The following SMARCD2 variants were observed in gnomAD, a reference collection of about 807,000 sequenced individuals.
SMARCD2 encodes the protein SWI/SNF-related matrix-associated actin-dependent regulator of chromatin subfamily D member 2.
SMARCD2 carries 39 observed loss-of-function variants against 70.4 expected under a neutral mutation model. The ratio of observed to expected loss-of-function variants is 0.55; its 90% CI spans 0.43 to 0.72. SMARCD2 has a LOEUF of 0.72. SMARCD2 is among the 30% of genes least tolerant of loss of function. SMARCD2 has a pLI of 0.00. For synonymous variants in SMARCD2, 249 were observed against 279.4 expected, an observed-to-expected ratio of 0.89 and a Z score of 1.08; for missense variants, 540 against 713.4, an observed-to-expected ratio of 0.76 and a Z score of 2.77.
Position 63,834,620 on chromosome 17 carries a change from G to T in SMARCD2, c.820-45C>A. On this transcript the variant is annotated intron_variant, in intron 6 of 12. Transcript: ENST00000448276. The surrounding 1 kb of genome is among the most constrained non-coding windows in gnomAD (Gnocchi z 5.6). ...GGCTTATCACCAAGGGGGTGGGCGT[G>T]AACACAGGGCCTCCCAAGGGCCCTG... The T allele has an allele frequency of 6.4e-7, 1 of 1,571,860 alleles. No individual in the cohort carries two copies. The highest frequency in any genetic ancestry group is 8.7e-7 in the Non-Finnish European group (1 of 1,144,032).
At position 63,842,669 on chromosome 17, in the gene SMARCD2, C is replaced by G. The variant is rs1425487610; in HGVS notation, c.6G>C (p.Ser2=). 1.5e-6 allele frequency: 2 copies of G among 1,302,226 alleles called. No individual in the cohort carries two copies. Among genetic ancestry groups the G allele is most frequent in the East Asian group, 3.1e-5 (1 of 31,778 alleles). 80.7% of individuals were successfully genotyped at this position (1,302,226 alleles called of 1,614,324 possible). The change falls in exon 1 of 13, where the codon TCG becomes TCC. Residue 2 remains serine (S), a synonymous_variant. Transcript: ENST00000448276. M[S]GRGAGGFPLP... ...GCGGGAACCCGCCCGCGCCTCGGCC[C>G]GACATCGCTCCGTCCCGTCCCGCGG...
chr17:63,834,427 C>T lies in SMARCD2; in HGVS notation c.921+47G>A. The T allele has an allele frequency of 6.4e-7, 1 of 1,553,296 alleles. No homozygotes were observed. Among genetic ancestry groups the T allele is most frequent in the Non-Finnish European group, 8.8e-7 (1 of 1,137,676 alleles). On this transcript the variant is annotated intron_variant, in intron 7 of 12. Coordinates refer to ENST00000448276, the MANE Select transcript of SMARCD2 (RefSeq NM_001098426.2). The surrounding 1 kb of genome is among the most constrained non-coding windows in gnomAD (Gnocchi z 5.6). ...GGGTTTCTAGGAACCAGCTCCCCTC[C>T]TGAGGGGTCCCTGTGGGCCCAGAAA...
At chr17:63,840,722 A>G (rs2727280) in intron 1 of SMARCD2, among the ~76,000 whole-genome samples, 40,767 of 152,096 alleles carry the variant, frequency 0.27, 7,006 homozygotes, top group South Asian at 0.55. Flanking sequence ...AAAGAAGGCA[A>G]ATAGGATCCT....
Position 63,834,386 on chromosome 17 carries a change from A to G in SMARCD2, c.922-58T>C. On this transcript the variant is annotated intron_variant, in intron 7 of 12. Transcript: ENST00000448276. The surrounding 1 kb of genome is among the most constrained non-coding windows in gnomAD (Gnocchi z 5.6). ...TCTTATAGTAGAACAGTGGGAAAAT[A>G]GGGCAGGGACAGGAAGGGTTTCTAG... The G allele has an allele frequency of 1.3e-6, 2 of 1,583,740 alleles. No homozygotes were observed. The highest frequency in any genetic ancestry group is 1.7e-6 in the Non-Finnish European group (2 of 1,157,488).
At chr17:63,842,406 G>A (rs1402696364) in intron 1 of SMARCD2, 53 bp downstream of exon 1, 16 of 1,303,048 alleles carry the variant, frequency 1.2e-5, no homozygotes, top group East Asian at 3.5e-5. Context: ...CCGCCGGCCC[G>A]GGCGCCCTCG....
At chr17:63,836,650 A>G (rs2040269945) in intron 4 of SMARCD2, 3 of 342,152 alleles carry the variant, frequency 8.8e-6, no homozygotes, top group Non-Finnish European at 1.6e-5. Context: ...CAAGGTCTGC[A>G]TATCTATTTA....
In SMARCD2 at chr17:63,840,568, C is replaced by A. The variant is rs146690207; in HGVS notation, c.216+1891G>T. Among the ~76,000 whole-genome samples the A allele has an allele frequency of 5.3e-3, 809 of 152,192 alleles. 5 individuals are homozygous for A. Among genetic ancestry groups the A allele is most frequent in the African/African-American group, 0.018 (738 of 41,512 alleles). ...CACCCTCTGGAGGAAGGGAGGTCAT[C>A]ACTTCCCTTCTTTCAACTATTTGCT... On this transcript the variant is annotated intron_variant, in intron 1 of 12. Coordinates refer to ENST00000448276, the MANE Select transcript of SMARCD2 (RefSeq NM_001098426.2).
chr17:63,833,768 C>CTG lies in SMARCD2; in HGVS notation c.1182-48_1182-47dup. Reference sequence around the variant, plus strand: ...GGGAAGGCACATAGCTGACTTCATCCTGCCCACCTGGGCCAAATCTGGGGC... The same window carrying CTG: ...GGGAAGGCACATAGCTGACTTCATCCTGTGCCCACCTGGGCCAAATCTGGGGC... On this transcript the variant is annotated intron_variant, in intron 9 of 12. Transcript: ENST00000448276. The surrounding 1 kb of genome is among the most constrained non-coding windows in gnomAD (Gnocchi z 4.3). 1 of 1,611,794 alleles carries CTG rather than the reference C, an allele frequency of 6.2e-7. No individual in the cohort carries two copies.
Position 63,833,865 on chromosome 17 carries a change from A to G in SMARCD2, c.1181+44T>C. ...TGGCTTTAGTTCAAGCCAAGGGTGAATCTGCTCTTAGAAGAGCCTTCCTGT... is the reference window on the plus strand; with the variant it reads ...TGGCTTTAGTTCAAGCCAAGGGTGAGTCTGCTCTTAGAAGAGCCTTCCTGT... On this transcript the variant is annotated intron_variant, in intron 9 of 12. Transcript: ENST00000448276. This position sits in a 1 kb window ranked among gnomAD's most constrained non-coding sequence, Gnocchi z 4.3. The G allele has an allele frequency of 6.5e-7, 1 of 1,549,144 alleles. No homozygotes were observed. The highest frequency in any genetic ancestry group is 8.9e-7 in the Non-Finnish European group (1 of 1,121,868).
At position 63,833,459 on chromosome 17, in the gene SMARCD2, T is replaced by A. The variant is rs1279038048; in HGVS notation, c.1318-39A>T. Reference sequence around the variant, plus strand: ...CTGTGTCAGACTGTGCCCCCAAAGCTTACATGCAAGCAACTGAGCCAGAGT... The same window carrying A: ...CTGTGTCAGACTGTGCCCCCAAAGCATACATGCAAGCAACTGAGCCAGAGT... On this transcript the variant is annotated intron_variant, in intron 10 of 12. Coordinates refer to ENST00000448276, the MANE Select transcript of SMARCD2 (RefSeq NM_001098426.2). This position sits in a 1 kb window ranked among gnomAD's most constrained non-coding sequence, Gnocchi z 4.3. 14 of 1,611,594 alleles carry A rather than the reference T, an allele frequency of 8.7e-6. No individual in the cohort carries two copies. The highest frequency in any genetic ancestry group is 1.2e-5 in the Non-Finnish European group (14 of 1,178,342).
In SMARCD2 at chr17:63,833,293, T is replaced by C. The variant is rs1322006650; in HGVS notation, c.1440+5A>G. 3 of 1,613,950 alleles carry C rather than the reference T, an allele frequency of 1.9e-6. No individual in the cohort carries two copies. The South Asian group carries it at 3.3e-5, about 18-fold the overall frequency. ...TAGGAGTCCCCTCGGGAAAGAGGAC[T>C]ACACCTTGAGGTCTCGGCGCTGGGA... On this transcript the variant is annotated splice_donor_5th_base_variant and intron_variant, in intron 11 of 12. Transcript: ENST00000448276. The surrounding 1 kb of genome is among the most constrained non-coding windows in gnomAD (Gnocchi z 4.3).
Position 63,834,805 on chromosome 17 carries a change from G to A in SMARCD2, c.724-5C>T, listed in dbSNP as rs761959202. The A allele has an allele frequency of 1.3e-6, 2 of 1,593,850 alleles. No homozygotes were observed. Among genetic ancestry groups the A allele is most frequent in the South Asian group, 2.2e-5 (2 of 90,706 alleles). On this transcript the variant is annotated splice_polypyrimidine_tract_variant and splice_region_variant and intron_variant, in intron 5 of 12. Transcript: ENST00000448276. The surrounding 1 kb of genome is among the most constrained non-coding windows in gnomAD (Gnocchi z 5.6). Reference sequence around the variant, plus strand: ...CTTCCTCTTCTGTTTGCTAGGCTGGGGATGGAAAGGGGTGTGAGATGGTGC... The same window carrying A: ...CTTCCTCTTCTGTTTGCTAGGCTGGAGATGGAAAGGGGTGTGAGATGGTGC...
intron 5 of SMARCD2, 74 bp downstream of exon 5, chr17:63,835,338 G>A: frequency 2.7e-6 from 4 of 1,483,822 alleles, no homozygotes; most frequent in Non-Finnish European, 2.7e-6. Flanking sequence ...GCTCAGGCTA[G>A]TATCAAACTC....
chr17:63,836,498 C>CGGAAAAAAAAAA (rs1214342690), intron 4 of SMARCD2, among the ~76,000 whole-genome samples: 2 of 98,234 alleles, frequency 2.0e-5, no homozygotes. Flanking sequence ...GACTCCATCT[C>CGGAAAAAAAAAA]AGAAAAAAAA....
In SMARCD2 at chr17:63,834,995, A is replaced by C; in HGVS notation, c.724-195T>G. ...GGTGCCCTCTTGCAGCCCACGAGGGACTTCCTCGAGACACTCGACTGCCAT... is the reference window on the plus strand; with the variant it reads ...GGTGCCCTCTTGCAGCCCACGAGGGCCTTCCTCGAGACACTCGACTGCCAT... On this transcript the variant is annotated intron_variant, in intron 5 of 12. Coordinates refer to ENST00000448276, the MANE Select transcript of SMARCD2 (RefSeq NM_001098426.2). The surrounding 1 kb of genome is among the most constrained non-coding windows in gnomAD (Gnocchi z 5.6). 1 of 590,998 alleles carries C rather than the reference A, an allele frequency of 1.7e-6. No homozygotes were observed. The highest frequency in any genetic ancestry group is 2.1e-5 in the South Asian group (1 of 48,062). The allele number at this position is 590,998 out of a possible 1,614,324, so 36.6% of individuals were successfully genotyped here. A position where few individuals can be genotyped will look rare whatever the true frequency, so the allele number is the denominator to read the frequency against.
At chr17:63,838,691 C>G in intron 1 of SMARCD2, 1 of 1,398,318 alleles carries the variant, frequency 7.2e-7, no homozygotes, top group Non-Finnish European at 9.3e-7. Flanking sequence ...TGGCTGCTGC[C>G]TGCAAGGCCT....
In SMARCD2 at chr17:63,833,309, G is replaced by A. The variant is rs1567760022; in HGVS notation, c.1429C>T (p.Arg477Ter). 1.2e-6 allele frequency: 2 copies of A among 1,613,968 alleles called. No homozygotes were observed. The highest frequency in any genetic ancestry group is 1.7e-6 in the Non-Finnish European group (2 of 1,179,884). Residue 477 changes from arginine to a stop codon, truncating the protein, a stop_gained, in exon 11 of 13, where the codon CGA becomes TGA. Coordinates refer to ENST00000448276, the MANE Select transcript of SMARCD2 (RefSeq NM_001098426.2). LOFTEE classifies it high-confidence loss of function. This position sits in a 1 kb window ranked among gnomAD's most constrained non-coding sequence, Gnocchi z 4.3. ...AAAGAGGACTACACCTTGAGGTCTC[G>A]GCGCTGGGAACGGAGCCATTCCTGG... ...FIQEWLRSQR[R>*]DLKIITDVIG...
chr17:63,842,297 C>T (rs1904497273), intron 1 of SMARCD2, 162 bp downstream of exon 1: 2 of 1,131,196 alleles, frequency 1.8e-6, no homozygotes, highest in Admixed American at 4.8e-5. Flanking sequence ...CCCACTTCTC[C>T]ACCGCGACCC....
Position 63,833,575 on chromosome 17 carries a change from C to T in SMARCD2, c.1317+12G>A. The T allele has an allele frequency of 6.2e-7, 1 of 1,613,960 alleles. No individual in the cohort carries two copies. ...TGGGCCCCAGAGGAAGCTGTGGAGCCAGAGGGCCCACCTTGACATCAAGGG... is the reference window on the plus strand; with the variant it reads ...TGGGCCCCAGAGGAAGCTGTGGAGCTAGAGGGCCCACCTTGACATCAAGGG... On this transcript the variant is annotated intron_variant, in intron 10 of 12. Transcript: ENST00000448276. This position sits in a 1 kb window ranked among gnomAD's most constrained non-coding sequence, Gnocchi z 4.3.
Sources: allele counts gnomAD v4.1 joint callset (sites outside exome capture counted in the v4.1 genomes callset), GRCh38; gene constraint gnomAD v4.1.1; non-coding constraint Gnocchi (gnomAD v3.1); transcripts MANE v1.5; gene names NCBI Gene and HGNC (gene_info 2026-07-23, HGNC 2026-07-21).